ZFHX3: variants seen among roughly 807,000 people sequenced by gnomAD.
ZFHX3 encodes zinc finger homeobox protein 3.
ZFHX3 carries 42 observed loss-of-function variants against 279.1 expected under a neutral mutation model. That is an observed-to-expected ratio of 0.15 (90% CI 0.12 to 0.19). The LOEUF is 0.19. ZFHX3 is among the 10% of genes least tolerant of loss of function. The pLI, the probability that ZFHX3 is intolerant of heterozygous loss-of-function variation, is 1.00. For missense variants in ZFHX3, 4,981 were observed against 4,754.0 expected, an observed-to-expected ratio of 1.05 and a Z score of -1.40; for synonymous variants, 2,293 against 1,957.8, an observed-to-expected ratio of 1.17 and a Z score of -4.52.
At chr16:73,742,349 G>A (rs1453750071) in intron 1 of ZFHX3, among the ~76,000 whole-genome samples, 3 of 152,150 alleles carry the variant, frequency 2.0e-5, no homozygotes, top group African/African-American at 7.2e-5. Flanking sequence ...TGTTTGAAGA[G>A]GGTGTGTGGG....
chr16:73,321,334 G>A (rs1301003283), intron 3 of ZFHX3, among the ~76,000 whole-genome samples: 1 of 152,148 alleles, frequency 6.6e-6, no homozygotes, highest in Non-Finnish European at 1.5e-5. Context: ...CTAGCCTGGT[G>A]ACCTCTCTGA....
At chr16:73,092,857 T>C (rs1418427940) in intron 8 of ZFHX3, 3 of 507,270 alleles carry the variant, frequency 5.9e-6, no homozygotes, top group East Asian at 5.5e-5. Flanking sequence ...CGGAGTTTAA[T>C]AGGGACAACA....
intron 1 of ZFHX3, among the ~76,000 whole-genome samples, chr16:73,018,639 A>C (rs1186995691): frequency 1.3e-5 from 2 of 152,100 alleles, no homozygotes; most frequent in African/African-American, 4.8e-5. Context: ...AATAAATGGC[A>C]AGAATTTTCT....
In ZFHX3 at chr16:72,795,386, C is replaced by T. The variant is rs760820568; in HGVS notation, c.7296G>A (p.Leu2432=). Residue 2432 remains leucine (L), a synonymous_variant, in exon 9 of 10, where the codon CTG becomes CTA. Coordinates refer to ENST00000268489, the MANE Select transcript of ZFHX3 (RefSeq NM_006885.4). ...KTEAGDEKPK[L]AEAPSAQPNQ... is the part of the protein sequence containing the mutation. ...TTGGCTGTGCACTGGGAGCTTCCGC[C>T]AGCTTTGGTTTCTCATCGCCTGCCT... 6.2e-7 allele frequency: 1 copy of T among 1,614,136 alleles called. No homozygotes were observed. Among genetic ancestry groups the T allele is most frequent in the Non-Finnish European group, 8.5e-7 (1 of 1,180,038 alleles).
intron 1 of ZFHX3, 96 bp from the exon 2 acceptor site, chr16:72,960,290 G>T: frequency 9.9e-7 from 1 of 1,008,842 alleles, no homozygotes; most frequent in Non-Finnish European, 1.4e-6. Context: ...CCTACCGCAC[G>T]GAGCGCTCTA....
intron 1 of ZFHX3, among the ~76,000 whole-genome samples, chr16:72,983,505 G>A (rs566270505): frequency 4.6e-5 from 7 of 152,264 alleles, no homozygotes; most frequent in Admixed American, 2.6e-4. Context: ...CTGGCAGTTC[G>A]AGGCCAGCCA....
intron 2 of ZFHX3, among the ~76,000 whole-genome samples, chr16:73,557,703 C>T (rs764424151): frequency 9.2e-5 from 14 of 152,002 alleles, no homozygotes; most frequent in Non-Finnish European, 1.5e-4. Flanking sequence ...TTCTTTACTG[C>T]GAACTGTTTT....
chr16:73,776,778 C>T (rs1959262402), intron 1 of ZFHX3, among the ~76,000 whole-genome samples: 1 of 152,168 alleles, frequency 6.6e-6, no homozygotes, highest in Non-Finnish European at 1.5e-5. Flanking sequence ...AAATAAAGGT[C>T]ATCCCTTTCA....
At chr16:73,496,149 C>T (rs1258634241) in intron 2 of ZFHX3, among the ~76,000 whole-genome samples, 1 of 152,242 alleles carries the variant, frequency 6.6e-6, no homozygotes. Context: ...GAGCAAGAGG[C>T]AGTGCCCCTT....
chr16:73,309,251 C>G (rs924956204), intron 4 of ZFHX3, among the ~76,000 whole-genome samples: 3 of 152,124 alleles, frequency 2.0e-5, no homozygotes, highest in Admixed American at 1.3e-4. Flanking sequence ...CTCAGGTAGC[C>G]CCAGTGTCTC....
At chr16:73,613,826 G>C (rs533880877) in intron 2 of ZFHX3, among the ~76,000 whole-genome samples, 9 of 152,328 alleles carry the variant, frequency 5.9e-5, no homozygotes, top group African/African-American at 2.2e-4. Flanking sequence ...TAATCTGGCA[G>C]AAACAGTCAA....
chr16:73,802,339 C>A lies in ZFHX3; in HGVS notation c.-1608+89312G>T, dbSNP rs566489946. Among the ~76,000 whole-genome samples, 7 of 152,324 alleles carry A rather than the reference C, an allele frequency of 4.6e-5. No homozygotes were observed. In the East Asian group the frequency reaches 1.4e-3, roughly 29 times the overall value. On this transcript the variant is annotated intron_variant, in intron 1 of 17. Coordinates refer to the ZFHX3 transcript ENST00000641206. ...AGGGAAGGGAGGGGCCAGTGAGCCC[C>A]ATGCCAAACTCTAGATAATTTGCTA...
chr16:73,161,279 A>G (rs1180001761), intron 5 of ZFHX3, among the ~76,000 whole-genome samples: 2 of 152,052 alleles, frequency 1.3e-5, no homozygotes, highest in Non-Finnish European at 2.9e-5. Context: ...GCCCACAGTC[A>G]CTTTCTAAAG....
At chr16:73,310,882 G>C (rs777478268) in intron 4 of ZFHX3, among the ~76,000 whole-genome samples, 1 of 152,080 alleles carries the variant, frequency 6.6e-6, no homozygotes, top group Non-Finnish European at 1.5e-5. Flanking sequence ...AATCAAAGCT[G>C]TGTATACATG....
At chr16:73,657,907 A>G (rs1171715191) in intron 2 of ZFHX3, among the ~76,000 whole-genome samples, 1 of 152,214 alleles carries the variant, frequency 6.6e-6, no homozygotes, top group Non-Finnish European at 1.5e-5. Context: ...GATGCTATGA[A>G]GATTTGTGTA....
intron 1 of ZFHX3, among the ~76,000 whole-genome samples, chr16:73,041,898 T>A (rs1426871028): frequency 2.6e-4 from 40 of 152,192 alleles, no homozygotes; most frequent in Admixed American, 2.6e-3. Context: ...CTTGCATTGC[T>A]TCTTGAGTAG....
At chr16:73,075,736 G>C (rs1258905719) in intron 8 of ZFHX3, among the ~76,000 whole-genome samples, 2 of 151,716 alleles carry the variant, frequency 1.3e-5, no homozygotes, top group Non-Finnish European at 2.9e-5. Flanking sequence ...TGGGTTCAAG[G>C]GATTCTCTTG....
In ZFHX3 at chr16:72,959,984, C is replaced by G; in HGVS notation, c.162G>C (p.Arg54Ser). The G allele has an allele frequency of 6.2e-7, 1 of 1,613,154 alleles. No individual in the cohort carries two copies. Among genetic ancestry groups the G allele is most frequent in the Non-Finnish European group, 8.5e-7 (1 of 1,179,476 alleles). ...CCGCGAGGCGCTCATTGAAGGGGGCCCTCAGGCTGTCCAAGGGCCCGTGGC... is the reference window on the plus strand; with the variant it reads ...CCGCGAGGCGCTCATTGAAGGGGGCGCTCAGGCTGTCCAAGGGCCCGTGGC... ...GESHGPLDSL[R>S]APFNERLAES... is the part of the protein sequence containing the mutation. Residue 54 changes from arginine (R) to serine (S), a missense_variant, in exon 2 of 10, where the codon AGG (arginine) becomes AGC (serine). Physicochemically the swap from Arg to Ser is moderately radical, Grantham distance 110. Around this residue, in one of 7 missense-constraint regions of ZFHX3, gnomAD observed 1,068 missense variants for 935.2 expected, o/e 1.14. Transcript: ENST00000268489.
chr16:73,174,301 A>ACAG (rs1967610976), intron 5 of ZFHX3, among the ~76,000 whole-genome samples: 1 of 129,910 alleles, frequency 7.7e-6, no homozygotes, highest in African/African-American at 2.9e-5. Flanking sequence ...AACAACAACA[A>ACAG]CAACAACAAA....
Sources: gnomAD v4.1 joint callset for allele counts (sites outside exome capture counted in the v4.1 genomes callset) on GRCh38, gnomAD v4.1.1 for gene constraint, gnomAD v4.1.1 regional missense constraint, MANE v1.5 for transcripts, NCBI Gene and HGNC (gene_info 2026-07-23, HGNC 2026-07-21) for gene names.